The following MYO1E variants were observed in gnomAD, a reference collection of about 807,000 sequenced individuals.
MYO1E encodes myosin IE.
In MYO1E, 68 loss-of-function variants were observed where a neutral mutation model predicts 151.1. The observed-to-expected ratio is 0.45, with a 90% CI of 0.37 to 0.55. MYO1E has a LOEUF of 0.55. Among genes scored for constraint, MYO1E ranks in the 20% least tolerant of loss-of-function variants. MYO1E has a pLI of 0.00. For synonymous variants in MYO1E, 601 were observed against 501.7 expected (o/e 1.20, Z -2.64); for missense variants, 1,363 against 1,389.3 (o/e 0.98, Z 0.30).
intron 1 of MYO1E, among the ~76,000 whole-genome samples, chr15:59,353,139 T>C (rs1469121660): frequency 1.3e-5 from 2 of 152,138 alleles, no homozygotes; most frequent in Non-Finnish European, 2.9e-5. Flanking sequence ...TAAAAACTAC[T>C]GTCCTAGCAC....
chr15:59,175,312 C>G (rs2079618164), intron 19 of MYO1E, among the ~76,000 whole-genome samples: 1 of 152,126 alleles, frequency 6.6e-6, no homozygotes, highest in African/African-American at 2.4e-5. Context: ...TAAAATCAAC[C>G]AATAAAAATC....
At chr15:59,212,499 G>T (rs1298535442) in intron 12 of MYO1E, 3 of 152,088 alleles carry the variant, frequency 2.0e-5, no homozygotes, top group African/African-American at 7.2e-5. Flanking sequence ...CATCCACCTG[G>T]AACCTCTCAG....
At chr15:59,214,780 G>T in intron 10 of MYO1E, 60 bp from the exon 11 acceptor site, 1 of 1,338,476 alleles carries the variant, frequency 7.5e-7, no homozygotes, top group Non-Finnish European at 1.1e-6. Context: ...AAACGGGCAT[G>T]CACTGGGGAA....
chr15:59,244,654 G>C (rs943551423), intron 4 of MYO1E, among the ~76,000 whole-genome samples: 1 of 152,122 alleles, frequency 6.6e-6, no homozygotes, highest in African/African-American at 2.4e-5. Flanking sequence ...CTGCTGTATC[G>C]GAGGCGGGCA....
At chr15:59,224,553 G>T (rs1388438400) in intron 8 of MYO1E, 136 bp downstream of exon 8, 1 of 1,170,652 alleles carries the variant, frequency 8.5e-7, no homozygotes, top group Non-Finnish European at 1.3e-6. Flanking sequence ...ACATGTATGA[G>T]CATACAGAGT....
At chr15:59,321,526 T>C (rs944376711) in intron 1 of MYO1E, among the ~76,000 whole-genome samples, 2 of 152,188 alleles carry the variant, frequency 1.3e-5, no homozygotes, top group African/African-American at 2.4e-5. Context: ...ATCATGTCCT[T>C]TGAAGCAACA....
Position 59,207,164 on chromosome 15 carries a change from T to C in MYO1E, c.1530+1517A>G, listed in dbSNP as rs549398247. ...GTTCATCACAGTAAGGTCTCCATCA[T>C]AGGAACTGGATCGGTGGGCATGGCC... On this transcript the variant is annotated intron_variant, in intron 14 of 27. Transcript: ENST00000288235. 59 of 1,614,212 alleles carry C rather than the reference T, an allele frequency of 3.7e-5. No homozygotes were observed. In the East Asian group the frequency reaches 5.3e-4, roughly 15 times the overall value.
intron 25 of MYO1E, among the ~76,000 whole-genome samples, chr15:59,155,636 C>T (rs1011973667): frequency 1.5e-4 from 23 of 152,174 alleles, no homozygotes; most frequent in African/African-American, 5.5e-4. Flanking sequence ...CCAGAATTCT[C>T]CACTGGAACC....
chr15:59,260,566 T>A (rs1202457597), intron 3 of MYO1E, among the ~76,000 whole-genome samples: 1 of 152,126 alleles, frequency 6.6e-6, no homozygotes, highest in Non-Finnish European at 1.5e-5. Context: ...CCTGGGGAAG[T>A]GATGAACCAC....
At chr15:59,362,643 G>T (rs1440907259) in intron 1 of MYO1E, among the ~76,000 whole-genome samples, 1 of 152,296 alleles carries the variant, frequency 6.6e-6, no homozygotes, top group African/African-American at 2.4e-5. Flanking sequence ...AGATTCTTCT[G>T]CATTTAAATC....
In MYO1E at chr15:59,135,693, C is replaced by T. The variant is rs1341325623; in HGVS notation, c.*1687G>A. 6.6e-6 allele frequency: 1 copy of T among 152,128 alleles called. No individual in the cohort carries two copies. The highest frequency in any genetic ancestry group is 2.4e-5 in the African/African-American group (1 of 41,410). 9.4% of individuals were successfully genotyped at this position (152,128 alleles called of 1,614,324 possible). On this transcript the variant is annotated 3_prime_UTR_variant, in exon 28 of 28. Coordinates refer to ENST00000288235, the MANE Select transcript of MYO1E (RefSeq NM_004998.4). ...ATGTATCTTCGTTTCAAATCTAGAT[C>T]AATTTTTTTCCCTTATACGTAAGCC...
chr15:59,245,969 T>C (rs145790340), intron 4 of MYO1E, among the ~76,000 whole-genome samples: 163 of 152,330 alleles, frequency 1.1e-3, no homozygotes, highest in Admixed American at 2.2e-3. Flanking sequence ...ATCACATATG[T>C]GGTTTTAATG....
intron 1 of MYO1E, among the ~76,000 whole-genome samples, chr15:59,305,569 A>G (rs1168935042): frequency 1.3e-5 from 2 of 151,378 alleles, no homozygotes; most frequent in African/African-American, 2.4e-5. Context: ...TGCCCCTTGA[A>G]CTCCCCAGCA....
chr15:59,144,723 A>G (rs1362644042), intron 26 of MYO1E, among the ~76,000 whole-genome samples: 2 of 152,224 alleles, frequency 1.3e-5, no homozygotes, highest in African/African-American at 4.8e-5. Context: ...CCTGGAAGCC[A>G]CCTTGGAACA....
intron 2 of MYO1E, among the ~76,000 whole-genome samples, chr15:59,261,848 C>T (rs760044174): frequency 6.6e-6 from 1 of 152,144 alleles, no homozygotes; most frequent in Non-Finnish European, 1.5e-5. Context: ...GTTATCAGTC[C>T]TCCCCTCAAA....
At chr15:59,318,186 T>G (rs2080601192) in intron 1 of MYO1E, among the ~76,000 whole-genome samples, 1 of 152,200 alleles carries the variant, frequency 6.6e-6, no homozygotes, top group African/African-American at 2.4e-5. Flanking sequence ...AATGAATGCC[T>G]CTGGTATACC....
chr15:59,308,997 C>T (rs2080533265), intron 1 of MYO1E, among the ~76,000 whole-genome samples: 1 of 152,080 alleles, frequency 6.6e-6, no homozygotes, highest in Admixed American at 6.6e-5. Context: ...CCTGTGGTCC[C>T]AGCTACTTGG....
intron 17 of MYO1E, among the ~76,000 whole-genome samples, chr15:59,193,075 CT>C (rs2079743923): frequency 6.6e-6 from 1 of 152,222 alleles, no homozygotes. Context: ...CAGTCTAGTT[CT>C]TTGCTCTAGA....
rs929243734 is a variant in MYO1E at position 59,163,362 on chromosome 15, T to G, written c.2481-59A>C. 2.8e-6 allele frequency: 4 copies of G among 1,447,778 alleles called. No individual in the cohort carries two copies. In the African/African-American group the frequency reaches 5.5e-5, roughly 20 times the overall value. 89.7% of individuals were successfully genotyped at this position (1,447,778 alleles called of 1,614,324 possible). On this transcript the variant is annotated intron_variant, in intron 22 of 27. Coordinates refer to ENST00000288235, the MANE Select transcript of MYO1E (RefSeq NM_004998.4). Reference sequence around the variant, plus strand: ...AGCTGTGCTTCTGTTTACTCTATTGTTTTTTTTTTCTTCCATTTTAAAAAT... The same window carrying G: ...AGCTGTGCTTCTGTTTACTCTATTGGTTTTTTTTTCTTCCATTTTAAAAAT...
Sources: allele counts gnomAD v4.1 joint callset (sites outside exome capture counted in the v4.1 genomes callset), GRCh38; gene constraint gnomAD v4.1.1; transcripts MANE v1.5; gene names NCBI Gene and HGNC (gene_info 2026-07-23, HGNC 2026-07-21).